Variants in PDE4B observed in about 807,000 individuals in gnomAD.
PDE4B encodes 3',5'-cyclic-AMP phosphodiesterase 4B.
In PDE4B, 20 loss-of-function variants were observed where a neutral mutation model predicts 82.2. That is an observed-to-expected ratio of 0.24 (90% CI 0.17 to 0.35). PDE4B has a LOEUF of 0.35. Among genes scored for constraint, PDE4B ranks in the 10% least tolerant of loss-of-function variants. The probability of loss-of-function intolerance (pLI) is 1.00; values close to 1 mark genes in which losing one functional copy is unlikely to be tolerated. For synonymous variants in PDE4B, 320 were observed against 318.9 expected (o/e 1.00, Z -0.04); for missense variants, 655 against 907.2 (o/e 0.72, Z 3.57).
chr1:66,222,768 T>G (rs1011344398), intron 3 of PDE4B, among the ~76,000 whole-genome samples: 3 of 152,182 alleles, frequency 2.0e-5, no homozygotes, highest in Non-Finnish European at 4.4e-5. Flanking sequence ...CCAGTTTAGT[T>G]CCTGACATAA....
chr1:66,079,714 G>A (rs1437181631), intron 3 of PDE4B, among the ~76,000 whole-genome samples: 6 of 151,922 alleles, frequency 3.9e-5, no homozygotes, highest in Non-Finnish European at 5.9e-5. Flanking sequence ...ATGTCAAGGA[G>A]GAAAAAATAT....
chr1:66,093,868 T>C (rs1645068647), intron 3 of PDE4B, among the ~76,000 whole-genome samples: 1 of 151,930 alleles, frequency 6.6e-6, no homozygotes, highest in African/African-American at 2.4e-5. Context: ...TTAAGACAAA[T>C]ATGGAAAAGT....
chr1:66,206,637 A>C (rs1397570707), intron 3 of PDE4B, among the ~76,000 whole-genome samples: 1 of 152,204 alleles, frequency 6.6e-6, no homozygotes, highest in Admixed American at 6.5e-5. Flanking sequence ...GGCTTGGTTC[A>C]GAAATGTGCT....
chr1:66,112,035 A>G (rs2101053827), intron 3 of PDE4B, among the ~76,000 whole-genome samples: 1 of 152,230 alleles, frequency 6.6e-6, no homozygotes, highest in African/African-American at 2.4e-5. Flanking sequence ...GAAGATGAAC[A>G]AAATTACCAA....
chr1:66,191,738 G>A (rs1168646986), intron 3 of PDE4B, among the ~76,000 whole-genome samples: 1 of 152,106 alleles, frequency 6.6e-6, no homozygotes, highest in Non-Finnish European at 1.5e-5. Flanking sequence ...AATTTATAAA[G>A]GAAAAGAGGT....
In PDE4B at chr1:65,924,806, G is replaced by C. The variant is rs1647411216; in HGVS notation, c.281+5971G>C. On this transcript the variant is annotated intron_variant, in intron 3 of 16. Transcript: ENST00000341517. ...AGTTCCTTGCCATGTGGGTCTCATA[G>C]ACCTATGTGAAGGCTATTTATAACA... Among the ~76,000 whole-genome samples the C allele has an allele frequency of 3.3e-5, 5 of 152,334 alleles. 1 individual carries two copies. The South Asian group carries it at 1.0e-3, about 32-fold the overall frequency.
chr1:66,363,702 A>G, intron 12 of PDE4B, 131 bp downstream of exon 12: 7 of 647,678 alleles, frequency 1.1e-5, no homozygotes, highest in East Asian at 2.9e-5. Context: ...GCTTGAGCCC[A>G]GGGGTTCAAG....
At chr1:66,368,675 C>A in intron 15 of PDE4B, 112 bp from the exon 16 acceptor site, 1 of 720,188 alleles carries the variant, frequency 1.4e-6, no homozygotes, top group Non-Finnish European at 2.1e-6. Context: ...AATTATAATG[C>A]AACTAAAATG....
At chr1:66,287,140 A>G (rs777774201) in intron 7 of PDE4B, among the ~76,000 whole-genome samples, 7 of 152,164 alleles carry the variant, frequency 4.6e-5, no homozygotes, top group Non-Finnish European at 1.0e-4. Context: ...ATTAACTAAC[A>G]ATTAAAGTGG....
intron 3 of PDE4B, among the ~76,000 whole-genome samples, chr1:65,931,601 C>T (rs12737722): frequency 0.17 from 26,102 of 152,038 alleles, 2,819 homozygotes; most frequent in Non-Finnish European, 0.24. Context: ...AGAAGTGATA[C>T]CCTCCTTCCC....
At chr1:66,335,445 T>C (rs1660447501) in intron 8 of PDE4B, among the ~76,000 whole-genome samples, 1 of 152,250 alleles carries the variant, frequency 6.6e-6, no homozygotes, top group African/African-American at 2.4e-5. Context: ...CTTTACTTCA[T>C]CTAGGTAGGG....
intron 3 of PDE4B, among the ~76,000 whole-genome samples, chr1:65,980,520 T>C (rs538960831): frequency 1.3e-5 from 2 of 152,316 alleles, no homozygotes; most frequent in South Asian, 4.1e-4. Context: ...AATCACTTGT[T>C]ATAAAAGGGG....
chr1:65,942,533 G>A (rs1648500650), intron 3 of PDE4B, among the ~76,000 whole-genome samples: 2 of 151,814 alleles, frequency 1.3e-5, no homozygotes, highest in African/African-American at 4.8e-5. Context: ...ATTTCCTTTA[G>A]ATGTATACCC....
intron 3 of PDE4B, among the ~76,000 whole-genome samples, chr1:66,070,568 T>C (rs1656101610): frequency 3.9e-5 from 6 of 152,006 alleles, no homozygotes; most frequent in Admixed American, 3.9e-4. Context: ...GGCTCACCTT[T>C]TGGGAAGGTG....
chr1:66,093,694 C>A (rs149263326), intron 3 of PDE4B, among the ~76,000 whole-genome samples: 502 of 152,044 alleles, frequency 3.3e-3, no homozygotes, highest in African/African-American at 0.011. Flanking sequence ...TAAATAGAAC[C>A]ACTTATTTAT....
chr1:66,341,707 T>C lies in PDE4B; in HGVS notation c.747+9087T>C, dbSNP rs117838809. Among the ~76,000 whole-genome samples, 74 of 152,326 alleles carry C rather than the reference T, an allele frequency of 4.9e-4. No homozygotes were observed. The East Asian group carries it at 0.013, about 26-fold the overall frequency. On this transcript the variant is annotated intron_variant, in intron 8 of 16. Transcript: ENST00000341517. ...TTTCTTTCTTTCCTCTCTCTGAAAC[T>C]GAAGATGATAAATTGGAAAGTTTTA... is the stretch of plus-strand genomic sequence containing the variant.
intron 3 of PDE4B, among the ~76,000 whole-genome samples, chr1:66,070,446 C>T (rs1262521121): frequency 4.6e-5 from 7 of 151,644 alleles, no homozygotes; most frequent in East Asian, 3.9e-4. Flanking sequence ...AAGCTGGGGG[C>T]GGTGAAAGGT....
intron 3 of PDE4B, among the ~76,000 whole-genome samples, chr1:66,023,704 A>G (rs1653274169): frequency 6.6e-6 from 1 of 152,132 alleles, no homozygotes; most frequent in Non-Finnish European, 1.5e-5. Flanking sequence ...TGAGGGAGAA[A>G]AGAACCATGA....
chr1:65,944,255 AT>A (rs893374000), intron 3 of PDE4B, among the ~76,000 whole-genome samples: 27 of 148,890 alleles, frequency 1.8e-4, no homozygotes, highest in Admixed American at 6.7e-4. Context: ...ATGGTTTTTG[AT>A]TTTTTTTTTA....
Sources: allele counts gnomAD v4.1 joint callset (sites outside exome capture counted in the v4.1 genomes callset), GRCh38; gene constraint gnomAD v4.1.1; transcripts MANE v1.5; gene names NCBI Gene and HGNC (gene_info 2026-07-23, HGNC 2026-07-21).